The following WDR37 variants were observed in gnomAD, a reference collection of about 807,000 sequenced individuals.
WDR37 encodes WD repeat domain 37.
Under a neutral mutation model 62.9 loss-of-function variants are expected in WDR37, and 19 were observed. That is an observed-to-expected ratio of 0.30 (90% CI 0.21 to 0.44). WDR37 has a LOEUF of 0.44. Ranked by LOEUF, WDR37 falls within the 20% of genes least tolerant of loss-of-function variation. WDR37 has a pLI of 1.00. For missense variants in WDR37, 474 were observed against 657.6 expected (o/e 0.72, Z 3.05); for synonymous variants, 250 against 260.9 (o/e 0.96, Z 0.40).
chr10:1,129,172 G>T, intron 13 of WDR37, 41 bp from the exon 14 acceptor site: 1 of 1,601,384 alleles, frequency 6.2e-7, no homozygotes, highest in South Asian at 1.1e-5. Context: ...TCTTACTTTC[G>T]GGAATAATGC....
At chr10:1,117,714 C>A (rs1175993086) in intron 11 of WDR37, among the ~76,000 whole-genome samples, 1 of 152,222 alleles carries the variant, frequency 6.6e-6, no homozygotes, top group African/African-American at 2.4e-5. Flanking sequence ...GAGCGGGCAG[C>A]ATGGGGAGGG....
At chr10:1,126,110 T>TC (rs910788252) in intron 13 of WDR37, among the ~76,000 whole-genome samples, 49 of 152,242 alleles carry the variant, frequency 3.2e-4, no homozygotes, top group African/African-American at 1.2e-3. Flanking sequence ...GCACAGAAAC[T>TC]CCCCGGGGTC....
chr10:1,115,749 T>C (rs1390164878), intron 11 of WDR37, among the ~76,000 whole-genome samples: 1 of 152,188 alleles, frequency 6.6e-6, no homozygotes, highest in Non-Finnish European at 1.5e-5. Flanking sequence ...CAGATCTGCT[T>C]TCTTTTTGGT....
At chr10:1,127,462 T>C (rs1835826825) in intron 13 of WDR37, among the ~76,000 whole-genome samples, 3 of 150,570 alleles carry the variant, frequency 2.0e-5, no homozygotes, top group Admixed American at 6.6e-5. Flanking sequence ...TGGAAATCAC[T>C]GACTTATATT....
intron 11 of WDR37, among the ~76,000 whole-genome samples, chr10:1,110,544 C>A (rs1190055352): frequency 2.0e-5 from 3 of 152,010 alleles, no homozygotes; most frequent in Non-Finnish European, 2.9e-5. Context: ...GAGGGCCTCG[C>A]AGTGCGGTTT....
At position 1,126,322 on chromosome 10, in the gene WDR37, C is replaced by A. The variant is rs369469267; in HGVS notation, c.1353+1298C>A. 7.8e-4 allele frequency among the ~76,000 whole-genome samples: 117 copies of A among 150,788 alleles called. 2 individuals carry two copies. Among genetic ancestry groups the A allele is most frequent in the Middle Eastern group, 3.4e-3 (1 of 294 alleles). ...TCGGGAGGCTGAGGCAGGAGAATGG[C>A]GTGAACCCAGGAGGCGGAGCTTGCA... On this transcript the variant is annotated intron_variant, in intron 13 of 13. Coordinates refer to ENST00000263150, the MANE Select transcript of WDR37 (RefSeq NM_014023.4).
In WDR37 at chr10:1,102,335, A is replaced by G. The variant is rs61536940; in HGVS notation, c.727-1267A>G. Among the ~76,000 whole-genome samples, 151 of 128,746 alleles carry G rather than the reference A, an allele frequency of 1.2e-3. 1 individual carries two copies. Among genetic ancestry groups the G allele is most frequent in the Middle Eastern group, 3.9e-3 (1 of 256 alleles). 84.5% of individuals were successfully genotyped at this position (128,746 alleles called of 152,430 possible). A position where few individuals can be genotyped will look rare whatever the true frequency, so the allele number is the denominator to read the frequency against. On this transcript the variant is annotated intron_variant, in intron 9 of 13. Coordinates refer to ENST00000263150, the MANE Select transcript of WDR37 (RefSeq NM_014023.4). ...GCTGCTGTGCGTCCCTGTGACGTGC[A>G]TTCCCTAGTAATGTATATGTGCTCA...
Position 1,126,401 on chromosome 10 carries a change from G to A in WDR37, c.1353+1377G>A, listed in dbSNP as rs1373465843. The stretch of plus-strand genomic sequence containing the variant: ...AGCCTGGGCGACAGAGCGAGACTGT[G>A]TCTCAGAAAAAAAAAAAAGAAACTC... On this transcript the variant is annotated intron_variant, in intron 13 of 13. Coordinates refer to ENST00000263150, the MANE Select transcript of WDR37 (RefSeq NM_014023.4). 2.4e-3 allele frequency among the ~76,000 whole-genome samples: 321 copies of A among 132,062 alleles called. 2 individuals carry two copies. Among genetic ancestry groups the A allele is most frequent in the African/African-American group, 5.0e-3 (158 of 31,516 alleles). 86.6% of individuals were successfully genotyped at this position (132,062 alleles called of 152,430 possible). A position where few individuals can be genotyped will look rare whatever the true frequency, so the allele number is the denominator to read the frequency against.
At chr10:1,117,653 C>T (rs1162581291) in intron 11 of WDR37, among the ~76,000 whole-genome samples, 1 of 152,150 alleles carries the variant, frequency 6.6e-6, no homozygotes, top group Non-Finnish European at 1.5e-5. Flanking sequence ...ACTCCGGAGA[C>T]AGGTGGGGGT....
intron 1 of WDR37, among the ~76,000 whole-genome samples, chr10:1,068,190 C>A (rs1013116183): frequency 6.6e-6 from 1 of 152,072 alleles, no homozygotes; most frequent in East Asian, 1.9e-4. Context: ...CTTAAGAAAG[C>A]AGTATCTTAG....
rs1835588517 is a variant in WDR37, at chr10:1,121,768, G to C, written c.1104-2450G>C. On this transcript the variant is annotated intron_variant, in intron 11 of 13. Coordinates refer to ENST00000263150, the MANE Select transcript of WDR37 (RefSeq NM_014023.4). The surrounding 1 kb of genome is among the most constrained non-coding windows in gnomAD (Gnocchi z 4.5). ...GGCCCCGACCAGACATCAGGTCCTAGCGGGGGAATAAGTGTCAGCAATCCA... is the reference window on the plus strand; with the variant it reads ...GGCCCCGACCAGACATCAGGTCCTACCGGGGGAATAAGTGTCAGCAATCCA... 6.6e-6 allele frequency among the ~76,000 whole-genome samples: 1 copy of C among 152,188 alleles called. No individual in the cohort carries two copies. Among genetic ancestry groups the C allele is most frequent in the Non-Finnish European group, 1.5e-5 (1 of 68,038 alleles).
At chr10:1,081,647 G>C (rs1242196013) in intron 5 of WDR37, among the ~76,000 whole-genome samples, 2 of 151,792 alleles carry the variant, frequency 1.3e-5, no homozygotes, top group Non-Finnish European at 2.9e-5. Flanking sequence ...TAATTTATTT[G>C]ATTTTTTTTT....
intron 8 of WDR37, among the ~76,000 whole-genome samples, chr10:1,093,703 T>C (rs955851355): frequency 6.6e-6 from 1 of 152,208 alleles, no homozygotes; most frequent in Middle Eastern, 3.2e-3. Flanking sequence ...CAGTTGGATT[T>C]ATTGTGAGAT....
chr10:1,073,229 T>A (rs1289255437), intron 2 of WDR37, among the ~76,000 whole-genome samples: 1 of 152,234 alleles, frequency 6.6e-6, no homozygotes, highest in Non-Finnish European at 1.5e-5. Context: ...TATAACTATA[T>A]GTAAACTTAC....
chr10:1,117,223 G>A lies in WDR37; in HGVS notation c.1104-6995G>A, dbSNP rs371211132. ...GGCTGTGCCACCACTCCCTGCTAAT[G>A]TTTGTATTTTTTGTAGAGATGGAGT... On this transcript the variant is annotated intron_variant, in intron 11 of 13. Transcript: ENST00000263150. 1.1e-4 allele frequency among the ~76,000 whole-genome samples: 16 copies of A among 152,068 alleles called. No homozygotes were observed. In the South Asian group the frequency reaches 2.9e-3, roughly 28 times the overall value.
intron 11 of WDR37, among the ~76,000 whole-genome samples, chr10:1,117,978 A>G (rs1238520707): frequency 1.4e-5 from 2 of 143,370 alleles, no homozygotes; most frequent in African/African-American, 5.3e-5. Context: ...AGCCGCGTGC[A>G]CTCAGCCACC....
intron 8 of WDR37, 121 bp from the exon 9 acceptor site, chr10:1,096,049 C>A: frequency 1.2e-6 from 1 of 830,738 alleles, no homozygotes; most frequent in South Asian, 1.6e-5. Context: ...GTACATTCCT[C>A]TCACTAAGTG....
rs1007097110 is a variant in WDR37 at position 1,072,101 on chromosome 10, T to C, written c.-40-15T>C. The C allele has an allele frequency of 9.4e-5, 149 of 1,586,988 alleles. 3 individuals carry two copies. In the South Asian group the frequency reaches 1.2e-3, roughly 13 times the overall value. Reference sequence around the variant, plus strand: ...TCGCTGTATCAGAAACACTGTTTTTTCTTGCTGTTTTTAGCTTATTGCAGG... The same window carrying C: ...TCGCTGTATCAGAAACACTGTTTTTCCTTGCTGTTTTTAGCTTATTGCAGG... On this transcript the variant is annotated splice_polypyrimidine_tract_variant and intron_variant, in intron 1 of 13. Coordinates refer to ENST00000263150, the MANE Select transcript of WDR37 (RefSeq NM_014023.4).
intron 8 of WDR37, among the ~76,000 whole-genome samples, chr10:1,094,577 G>C (rs182728248): frequency 1.3e-5 from 2 of 152,194 alleles, no homozygotes; most frequent in Non-Finnish European, 2.9e-5. Context: ...AGCAGACAAG[G>C]AGTTTACACC....
Sources: allele counts gnomAD v4.1 joint callset (sites outside exome capture counted in the v4.1 genomes callset), GRCh38; gene constraint gnomAD v4.1.1; non-coding constraint Gnocchi (gnomAD v3.1); transcripts MANE v1.5; gene names NCBI Gene and HGNC (gene_info 2026-07-23, HGNC 2026-07-21).